The following DNA2 variants were observed in gnomAD, a reference collection of about 807,000 sequenced individuals.
DNA2 encodes the protein DNA replication ATP-dependent helicase/nuclease DNA2.
DNA2 carries 101 observed loss-of-function variants against 119.1 expected under a neutral mutation model. The ratio of observed to expected loss-of-function variants is 0.85; its 90% CI spans 0.72 to 1.00. DNA2 has a LOEUF of 1.00. Among genes scored for constraint, DNA2 ranks in the 50% least tolerant of loss-of-function variants. The probability of loss-of-function intolerance (pLI) is 0.00; values close to 1 mark genes in which losing one functional copy is unlikely to be tolerated. For missense variants in DNA2, 1,121 were observed against 1,255.5 expected (o/e 0.89, Z 1.62); for synonymous variants, 366 against 424.4 (o/e 0.86, Z 1.69).
intron 3 of DNA2, among the ~76,000 whole-genome samples, chr10:68,467,349 A>T (rs76267303): frequency 0.18 from 27,040 of 151,628 alleles, 2,927 homozygotes; most frequent in African/African-American, 0.31. Flanking sequence ...GACTTCATGA[A>T]CTGCTCACCT....
chr10:68,466,948 G>A (rs898229645), intron 3 of DNA2, among the ~76,000 whole-genome samples: 3 of 152,052 alleles, frequency 2.0e-5, no homozygotes, highest in African/African-American at 4.8e-5. Flanking sequence ...CAGCTACTAG[G>A]GAGGCTGAGG....
At chr10:68,457,991 G>A (rs1173856424) in intron 5 of DNA2, among the ~76,000 whole-genome samples, 1 of 151,900 alleles carries the variant, frequency 6.6e-6, no homozygotes, top group Non-Finnish European at 1.5e-5. Flanking sequence ...TGGCCAACAT[G>A]GTGAAACTTC....
intron 2 of DNA2, among the ~76,000 whole-genome samples, chr10:68,468,981 C>T (rs1414211813): frequency 1.3e-5 from 2 of 152,010 alleles, no homozygotes; most frequent in African/African-American, 4.8e-5. Flanking sequence ...ACCCAGGAAG[C>T]GGAGGTTGCA....
At chr10:68,428,407 T>A (rs536576069) in intron 14 of DNA2, among the ~76,000 whole-genome samples, 1 of 150,810 alleles carries the variant, frequency 6.6e-6, no homozygotes, top group East Asian at 1.9e-4. Context: ...GAAAAACAGT[T>A]TGGCAGATTA....
In DNA2 at chr10:68,419,425, T is replaced by C. The variant is rs2051636717; in HGVS notation, c.2788-212A>G. The stretch of plus-strand genomic sequence containing the variant: ...TCCTTAGACATTGCTCCCTTAATTT[T>C]TAGTTTCATGAGAACGTAAAGGATT... On this transcript the variant is annotated intron_variant, in intron 18 of 20. Transcript: ENST00000358410. 9.3e-6 allele frequency: 5 copies of C among 538,006 alleles called. No individual in the cohort carries two copies. In the East Asian group the frequency reaches 1.6e-4, roughly 17 times the overall value. 33.3% of individuals were successfully genotyped at this position (538,006 alleles called of 1,614,324 possible).
chr10:68,449,575 G>A (rs1277814915), intron 6 of DNA2, among the ~76,000 whole-genome samples: 2 of 152,002 alleles, frequency 1.3e-5, no homozygotes, highest in African/African-American at 2.4e-5. Context: ...TCGCGAGTTC[G>A]AGACCAGGCT....
At chr10:68,421,246 T>C (rs1420036240) in intron 17 of DNA2, among the ~76,000 whole-genome samples, 1 of 152,050 alleles carries the variant, frequency 6.6e-6, no homozygotes, top group East Asian at 1.9e-4. Context: ...TTAAAGTCTG[T>C]TTTTTAAAAA....
rs1394223346 is a variant in DNA2, at chr10:68,445,099, T to A, written c.1058-16A>T. On this transcript the variant is annotated splice_polypyrimidine_tract_variant and intron_variant, in intron 7 of 20. Coordinates refer to ENST00000358410, the MANE Select transcript of DNA2 (RefSeq NM_001080449.3). ...TTTAATAATTCTATGAAAAAAAAGG[T>A]GAATGTCTTTTTAAGAGTTAAATAA... The A allele has an allele frequency of 1.3e-6, 2 of 1,576,586 alleles. No homozygotes were observed. Among genetic ancestry groups the A allele is most frequent in the Non-Finnish European group, 1.7e-6 (2 of 1,159,310 alleles).
At chr10:68,471,226 T>C (rs2133454216) in intron 1 of DNA2, among the ~76,000 whole-genome samples, 1 of 152,194 alleles carries the variant, frequency 6.6e-6, no homozygotes, top group East Asian at 1.9e-4. Flanking sequence ...TTTATTCCTG[T>C]AGTCCACCTA....
chr10:68,468,993 T>C (rs2052356516), intron 2 of DNA2, among the ~76,000 whole-genome samples: 1 of 151,924 alleles, frequency 6.6e-6, no homozygotes, highest in African/African-American at 2.4e-5. Context: ...GAGGTTGCAG[T>C]GAGCCGCGAT....
intron 5 of DNA2, among the ~76,000 whole-genome samples, chr10:68,454,368 A>AC (rs1309945044): frequency 1.3e-5 from 2 of 152,104 alleles, no homozygotes; most frequent in African/African-American, 4.8e-5. Context: ...AAAAAAAAAA[A>AC]ACACATTTGG....
upstream of DNA2, chr10:68,471,990 G>A (rs773917417): frequency 6.2e-7 from 1 of 1,611,544 alleles, no homozygotes; most frequent in Middle Eastern, 1.7e-4. Flanking sequence ...ACCCGCAGAT[G>A]TCCCAAATGA....
At chr10:68,471,304 G>T (rs2052378625) in intron 1 of DNA2, among the ~76,000 whole-genome samples, 1 of 152,182 alleles carries the variant, frequency 6.6e-6, no homozygotes, top group Admixed American at 6.5e-5. Flanking sequence ...AGGTATTGCT[G>T]ATCAAAAGCC....
intron 14 of DNA2, among the ~76,000 whole-genome samples, chr10:68,430,075 C>A (rs1055043236): frequency 6.6e-6 from 1 of 151,584 alleles, no homozygotes; most frequent in Non-Finnish European, 1.5e-5. Context: ...TTAGTAGAGA[C>A]AGGTTTTCAC....
intron 4 of DNA2, among the ~76,000 whole-genome samples, chr10:68,461,884 G>C (rs2052264831): frequency 1.3e-5 from 2 of 150,156 alleles, no homozygotes. Flanking sequence ...AGGCTACAGT[G>C]GGTGATAATT....
intron 17 of DNA2, among the ~76,000 whole-genome samples, chr10:68,421,822 T>TA (rs2051669012): frequency 7.2e-6 from 1 of 139,370 alleles, no homozygotes; most frequent in African/African-American, 3.0e-5. Flanking sequence ...TTGCCTTTTT[T>TA]TTTCCCCCCA....
chr10:68,441,046 A>T (rs2051960591), intron 9 of DNA2, among the ~76,000 whole-genome samples: 1 of 151,966 alleles, frequency 6.6e-6, no homozygotes, highest in Non-Finnish European at 1.5e-5. Context: ...AAAACAAAAA[A>T]ATTAGCCATG....
chr10:68,444,927 T>C lies in DNA2; in HGVS notation c.1214A>G (p.Tyr405Cys), dbSNP rs1299539530. 4.3e-6 allele frequency: 7 copies of C among 1,612,908 alleles called. No individual in the cohort carries two copies. Among genetic ancestry groups the C allele is most frequent in the Non-Finnish European group, 5.9e-6 (7 of 1,179,272 alleles). ...TTTGGTAGACAATATTTACCTGCTA[T>C]AAAGAGCACAATTGCCAATTTGTGA... ...YCSQIGNCALYSRAVEQQMDC... is the reference protein window; with the variant it reads ...YCSQIGNCALCSRAVEQQMDC... Residue 405 changes from tyrosine (Y) to cysteine (C), a missense_variant, in exon 8 of 21, where the codon TAT becomes TGT. Physicochemically the swap from Tyr to Cys is radical, Grantham distance 194. Coordinates refer to ENST00000358410, the MANE Select transcript of DNA2 (RefSeq NM_001080449.3).
chr10:68,444,258 C>T (rs1318731950), intron 8 of DNA2, among the ~76,000 whole-genome samples: 1 of 151,924 alleles, frequency 6.6e-6, no homozygotes, highest in African/African-American at 2.4e-5. Context: ...GGTGCGGTGG[C>T]GAGCGCCTGT....
Sources: gnomAD v4.1 joint callset for allele counts (sites outside exome capture counted in the v4.1 genomes callset) on GRCh38, gnomAD v4.1.1 for gene constraint, MANE v1.5 for transcripts, NCBI Gene and HGNC (gene_info 2026-07-23, HGNC 2026-07-21) for gene names.